PTPRN2: variants seen among roughly 807,000 people sequenced by gnomAD.
The protein encoded by PTPRN2 is receptor-type tyrosine-protein phosphatase N2.
A neutral mutation model predicts 118.8 loss-of-function variants in PTPRN2; 74 were observed. The observed-to-expected ratio is 0.62, with a 90% CI of 0.52 to 0.76. PTPRN2 has a LOEUF of 0.76. PTPRN2 is among the 30% of genes least tolerant of loss of function. The probability of loss-of-function intolerance (pLI) is 0.00; values close to 1 mark genes in which losing one functional copy is unlikely to be tolerated. For synonymous variants in PTPRN2, 641 were observed against 608.0 expected (o/e 1.05, Z -0.80); for missense variants, 1,481 against 1,394.4 (o/e 1.06, Z -0.99).
At chr7:157,782,391 C>T (rs971361874) in intron 12 of PTPRN2, among the ~76,000 whole-genome samples, 12 of 152,220 alleles carry the variant, frequency 7.9e-5, no homozygotes, top group South Asian at 2.1e-4. Context: ...CTGGGAGGGC[C>T]GGTTTGGCCC....
At chr7:158,053,632 C>T (rs1809498032) in intron 11 of PTPRN2, among the ~76,000 whole-genome samples, 1 of 152,182 alleles carries the variant, frequency 6.6e-6, no homozygotes, top group Non-Finnish European at 1.5e-5. Flanking sequence ...TGTATTTAAA[C>T]ATGGCAGGCA....
chr7:157,771,732 C>T (rs894173288), intron 12 of PTPRN2, among the ~76,000 whole-genome samples: 5 of 151,194 alleles, frequency 3.3e-5, no homozygotes, highest in Non-Finnish European at 7.4e-5. Flanking sequence ...CACAGACGCA[C>T]AAACAGACGC....
chr7:157,570,783 T>G lies in PTPRN2; in HGVS notation c.2837+657A>C, dbSNP rs191063938. Among the ~76,000 whole-genome samples the G allele has an allele frequency of 8.5e-5, 13 of 152,282 alleles. No homozygotes were observed. The East Asian group carries it at 2.5e-3, about 29-fold the overall frequency. On this transcript the variant is annotated intron_variant, in intron 20 of 22. Coordinates refer to ENST00000389418, the MANE Select transcript of PTPRN2 (RefSeq NM_002847.5). Reference sequence around the variant, plus strand: ...GCATTTCTCACCATCTGCAGAGGGTTCTGAGCCTCTGCTGGACGTCCTGGT... The same window carrying G: ...GCATTTCTCACCATCTGCAGAGGGTGCTGAGCCTCTGCTGGACGTCCTGGT...
intron 2 of PTPRN2, among the ~76,000 whole-genome samples, chr7:158,375,218 A>G (rs1810405995): frequency 6.6e-6 from 1 of 152,178 alleles, no homozygotes; most frequent in African/African-American, 2.4e-5. Flanking sequence ...CTCCCAACTC[A>G]CCAGAATTAT....
chr7:157,581,389 G>A (rs1800377147), intron 17 of PTPRN2, among the ~76,000 whole-genome samples: 1 of 152,236 alleles, frequency 6.6e-6, no homozygotes, highest in Non-Finnish European at 1.5e-5. Context: ...CTGTGGGCCT[G>A]GGGTGGGGAG....
At chr7:158,107,798 C>A (rs528026474) in intron 10 of PTPRN2, among the ~76,000 whole-genome samples, 26 of 152,264 alleles carry the variant, frequency 1.7e-4, no homozygotes, top group Non-Finnish European at 2.5e-4. Flanking sequence ...CCCACAGCAG[C>A]CCATGAACAT....
chr7:157,671,575 G>A lies in PTPRN2; in HGVS notation c.2001+11150C>T, dbSNP rs1359544818. The stretch of plus-strand genomic sequence containing the variant: ...GGCAAACAAAGGCTCAGAAGCAGAG[G>A]AGCCCAGCCCAGGGACACAAAAGGT... On this transcript the variant is annotated intron_variant, in intron 13 of 22. Transcript: ENST00000389418. This position sits in a 1 kb window ranked among gnomAD's most constrained non-coding sequence, Gnocchi z 4.1. 6.6e-6 allele frequency among the ~76,000 whole-genome samples: 1 copy of A among 152,066 alleles called. No homozygotes were observed. The highest frequency in any genetic ancestry group is 2.4e-5 in the African/African-American group (1 of 41,402).
At chr7:158,102,613 T>C (rs1815320355) in intron 10 of PTPRN2, among the ~76,000 whole-genome samples, 3 of 152,180 alleles carry the variant, frequency 2.0e-5, no homozygotes, top group Admixed American at 2.0e-4. Flanking sequence ...TCACAGAGCA[T>C]GCCCCATGTA....
rs1426577491 is a variant in PTPRN2 at position 157,748,066 on chromosome 7, T to G, written c.1789-65129A>C. On this transcript the variant is annotated intron_variant, in intron 12 of 22. Transcript: ENST00000389418. ...GGGCTGTCCGGGTGATTCTGAGGCC[T>G]GCGTCTCTCAGCTGTGGGCTGTTGA... Among the ~76,000 whole-genome samples the G allele has an allele frequency of 2.9e-5, 4 of 139,042 alleles. 1 individual carries two copies. The highest frequency in any genetic ancestry group is 6.3e-5 in the Non-Finnish European group (4 of 63,842). The allele number at this position is 139,042 out of a possible 152,430, so 91.2% of individuals were successfully genotyped here.
intron 12 of PTPRN2, among the ~76,000 whole-genome samples, chr7:157,859,931 T>C (rs1258019205): frequency 3.2e-5 from 3 of 93,464 alleles, no homozygotes; most frequent in Non-Finnish European, 6.3e-5. Context: ...CCACCCACAC[T>C]CCTGCAGGGA....
At chr7:158,486,318 G>T (rs1487690123) in intron 2 of PTPRN2, among the ~76,000 whole-genome samples, 1 of 152,200 alleles carries the variant, frequency 6.6e-6, no homozygotes, top group Non-Finnish European at 1.5e-5. Flanking sequence ...AATCTTCATA[G>T]ATTTGTTTTC....
chr7:158,512,183 T>C (rs1443966319), intron 1 of PTPRN2, among the ~76,000 whole-genome samples: 2 of 152,214 alleles, frequency 1.3e-5, no homozygotes, highest in African/African-American at 4.8e-5. Context: ...TACATAGCTC[T>C]GGAAACGAGC....
intron 12 of PTPRN2, among the ~76,000 whole-genome samples, chr7:157,892,895 T>C (rs1437985008): frequency 6.6e-6 from 1 of 152,180 alleles, no homozygotes; most frequent in South Asian, 2.1e-4. Context: ...TAAGGCCCAT[T>C]GTTTCCTCTG....
intron 13 of PTPRN2, among the ~76,000 whole-genome samples, chr7:157,662,085 A>AGAGG (rs1389078605): frequency 6.6e-6 from 1 of 152,218 alleles, no homozygotes; most frequent in Non-Finnish European, 1.5e-5. Context: ...ACCTGCAGTC[A>AGAGG]GAGGGCCTGA....
At chr7:157,898,899 C>G (rs940379900) in intron 11 of PTPRN2, among the ~76,000 whole-genome samples, 162 bp from the exon 12 acceptor site, 1 of 152,164 alleles carries the variant, frequency 6.6e-6, no homozygotes, top group African/African-American at 2.4e-5. Flanking sequence ...AGAACCTGCA[C>G]GAGGCCCCAT....
chr7:158,024,552 G>A lies in PTPRN2; in HGVS notation c.1723+56746C>T, dbSNP rs560615405. The stretch of plus-strand genomic sequence containing the variant: ...GATTCTAGGGACACTCGCTGCCCAC[G>A]TCCTCCACAAGGTCATAGGCATTGT... On this transcript the variant is annotated intron_variant, in intron 11 of 22. Coordinates refer to ENST00000389418, the MANE Select transcript of PTPRN2 (RefSeq NM_002847.5). Among the ~76,000 whole-genome samples the A allele has an allele frequency of 8.5e-5, 13 of 152,332 alleles. 1 individual carries two copies. In the South Asian group the frequency reaches 2.1e-3, roughly 24 times the overall value.
intron 11 of PTPRN2, chr7:158,030,608 G>C (rs1807617643): frequency 6.6e-6 from 1 of 152,396 alleles, no homozygotes; most frequent in Admixed American, 6.5e-5. Context: ...GGAAGGCGAG[G>C]CCAGAATTCC....
At chr7:157,575,029 G>A (rs985757518) in intron 19 of PTPRN2, among the ~76,000 whole-genome samples, 5 of 152,210 alleles carry the variant, frequency 3.3e-5, no homozygotes, top group African/African-American at 9.7e-5. Context: ...AGACCCTGGA[G>A]CAAGGGAAAT....
At chr7:157,847,651 C>T (rs1234799870) in intron 12 of PTPRN2, among the ~76,000 whole-genome samples, 2 of 149,516 alleles carry the variant, frequency 1.3e-5, no homozygotes, top group Non-Finnish European at 3.0e-5. Flanking sequence ...GTCTACAGAG[C>T]CCTCTCTCAC....
Sources: gnomAD v4.1 joint callset for allele counts (sites outside exome capture counted in the v4.1 genomes callset) on GRCh38, gnomAD v4.1.1 for gene constraint, Gnocchi (gnomAD v3.1) non-coding constraint, MANE v1.5 for transcripts, NCBI Gene and HGNC (gene_info 2026-07-23, HGNC 2026-07-21) for gene names.